Variants in CEP112 observed in about 807,000 individuals in gnomAD.
CEP112 encodes centrosomal protein 112.
Under a neutral mutation model 153.0 loss-of-function variants are expected in CEP112, and 127 were observed. The observed-to-expected ratio is 0.83, with a 90% CI of 0.72 to 0.96. The LOEUF (loss-of-function observed/expected upper bound fraction) is 0.96, where lower values mean the gene tolerates loss of function less well. Ranked by LOEUF, CEP112 falls within the 40% of genes least tolerant of loss-of-function variation. CEP112 has a pLI of 0.00. For missense variants in CEP112, 1,089 were observed against 1,101.2 expected (o/e 0.99, Z 0.16); for synonymous variants, 358 against 374.4 (o/e 0.96, Z 0.51).
intron 24 of CEP112, among the ~76,000 whole-genome samples, chr17:65,660,211 C>T (rs1016445834): frequency 2.4e-5 from 3 of 123,846 alleles, no homozygotes. Flanking sequence ...TTCCTTCTTT[C>T]CTTCCCTCCC....
intron 6 of CEP112, among the ~76,000 whole-genome samples, chr17:66,115,161 T>C (rs1022850491): frequency 6.6e-6 from 1 of 151,846 alleles, no homozygotes; most frequent in African/African-American, 2.4e-5. Flanking sequence ...GCCAAGATCA[T>C]GCCACTGCAC....
chr17:66,149,888 G>GTTTTTTTTTTTTTTTTT (rs71160535), intron 4 of CEP112, among the ~76,000 whole-genome samples: 3 of 54,710 alleles, frequency 5.5e-5, no homozygotes, highest in Non-Finnish European at 9.2e-5. Context: ...TTGTTTGTTT[G>GTTTTTTTTTTTTTTTTT]TTTTTTTTTT....
intron 6 of CEP112, among the ~76,000 whole-genome samples, chr17:66,106,209 A>G (rs568159679): frequency 6.6e-6 from 1 of 152,244 alleles, no homozygotes; most frequent in East Asian, 1.9e-4. Flanking sequence ...AAGGTAGAAA[A>G]ACTTCAAATA....
chr17:65,952,041 CT>C (rs2061853161), intron 18 of CEP112, among the ~76,000 whole-genome samples: 1 of 152,138 alleles, frequency 6.6e-6, no homozygotes, highest in Admixed American at 6.6e-5. Context: ...CCCAGATTTT[CT>C]TTTGTTGTTT....
chr17:65,865,992 T>A (rs148095399), intron 20 of CEP112, among the ~76,000 whole-genome samples: 1 of 151,884 alleles, frequency 6.6e-6, no homozygotes, highest in Non-Finnish European at 1.5e-5. Context: ...GCAGCTGTGG[T>A]CACTCAGGTC....
chr17:65,857,187 C>G (rs1484672067), intron 20 of CEP112, among the ~76,000 whole-genome samples: 1 of 152,176 alleles, frequency 6.6e-6, no homozygotes, highest in African/African-American at 2.4e-5. Flanking sequence ...CCTCATCCCT[C>G]TTTTCTGCTT....
At chr17:66,111,604 G>A (rs2069049086) in intron 6 of CEP112, among the ~76,000 whole-genome samples, 1 of 152,066 alleles carries the variant, frequency 6.6e-6, no homozygotes, top group African/African-American at 2.4e-5. Context: ...TAAAAACACA[G>A]GAACAGAAAA....
Position 66,128,914 on chromosome 17 carries a change from A to G in CEP112, c.642+832T>C, listed in dbSNP as rs185544945. Among the ~76,000 whole-genome samples the G allele has an allele frequency of 3.2e-3, 489 of 152,302 alleles. 3 individuals carry two copies. The highest frequency in any genetic ancestry group is 0.014 in the Middle Eastern group (4 of 294). On this transcript the variant is annotated intron_variant, in intron 6 of 26. Coordinates refer to ENST00000535342, the MANE Select transcript of CEP112 (RefSeq NM_001199165.4). ...ACACACAGAAAAAAGGGAGGAAAAG[A>G]TATGTTATATAACAAAATGTTAACA...
At chr17:65,844,393 T>C (rs2057641561) in intron 21 of CEP112, among the ~76,000 whole-genome samples, 1 of 152,152 alleles carries the variant, frequency 6.6e-6, no homozygotes, top group African/African-American at 2.4e-5. Flanking sequence ...TAAAATAAAA[T>C]CTAAAAGTTT....
intron 21 of CEP112, among the ~76,000 whole-genome samples, chr17:65,827,936 C>CCA (rs1360691878): frequency 1.3e-5 from 2 of 152,264 alleles, no homozygotes; most frequent in East Asian, 3.9e-4. Flanking sequence ...ATAAATGGTA[C>CCA]CAGCCCTGGT....
At position 65,651,643 on chromosome 17, in the gene CEP112, CTCTT is replaced by C. The variant is rs201855610; in HGVS notation, c.2698-10582_2698-10579del. Among the ~76,000 whole-genome samples, 667 of 151,458 alleles carry C rather than the reference CTCTT, an allele frequency of 4.4e-3. 1 individual carries two copies. The highest frequency in any genetic ancestry group is 0.015 in the African/African-American group (635 of 41,356). On this transcript the variant is annotated intron_variant, in intron 24 of 26. Coordinates refer to ENST00000535342, the MANE Select transcript of CEP112 (RefSeq NM_001199165.4). Reference sequence around the variant, plus strand: ...TGATTATGGTCATTCCTTCCTTCCTCTCTTTCTTTCTCTTTCTTTCTCCTTCCTT... The same window carrying C: ...TGATTATGGTCATTCCTTCCTTCCTCTCTTTCTCTTTCTTTCTCCTTCCTT...
chr17:66,058,384 A>C (rs1353739437), intron 11 of CEP112, among the ~76,000 whole-genome samples: 1 of 152,266 alleles, frequency 6.6e-6, no homozygotes, highest in Non-Finnish European at 1.5e-5. Flanking sequence ...AAGAAAAACC[A>C]CATGACTAGA....
intron 8 of CEP112, among the ~76,000 whole-genome samples, chr17:66,087,607 G>A (rs1271924695): frequency 2.6e-5 from 4 of 152,058 alleles, no homozygotes; most frequent in South Asian, 2.1e-4. Context: ...TCAAGCCCTC[G>A]TCCCTCCACA....
intron 24 of CEP112, among the ~76,000 whole-genome samples, chr17:65,642,194 G>T (rs1315604736): frequency 1.3e-5 from 2 of 152,182 alleles, no homozygotes; most frequent in Admixed American, 1.3e-4. Flanking sequence ...AAATAGGATA[G>T]AATTAATTAT....
intron 21 of CEP112, among the ~76,000 whole-genome samples, chr17:65,808,635 T>C (rs2055759363): frequency 6.6e-6 from 1 of 152,094 alleles, no homozygotes; most frequent in Non-Finnish European, 1.5e-5. Context: ...TTTAAAAATG[T>C]ATAGCACTTC....
At chr17:66,157,705 CAAAAAAAAA>C (rs370026993) in intron 4 of CEP112, among the ~76,000 whole-genome samples, 1 of 93,812 alleles carries the variant, frequency 1.1e-5, no homozygotes, top group Admixed American at 1.2e-4. Context: ...AAATGGAAAG[CAAAAAAAAA>C]AAAAAAAAGC....
chr17:65,706,205 C>G (rs1412900754), intron 23 of CEP112, among the ~76,000 whole-genome samples: 1 of 152,204 alleles, frequency 6.6e-6, no homozygotes, highest in African/African-American at 2.4e-5. Context: ...GGAACGTCTT[C>G]AGGAAGGACG....
intron 21 of CEP112, among the ~76,000 whole-genome samples, chr17:65,795,001 C>T (rs755532162): frequency 1.6e-4 from 24 of 152,342 alleles, no homozygotes; most frequent in Non-Finnish European, 2.4e-4. Context: ...ATTCAACAAA[C>T]GTGTTGAAAG....
At chr17:65,863,749 CAA>C (rs397949072) in intron 20 of CEP112, among the ~76,000 whole-genome samples, 1 of 125,666 alleles carries the variant, frequency 8.0e-6, no homozygotes, top group African/African-American at 3.1e-5. Context: ...GACTCTGTCT[CAA>C]AAAAAAAAAG....
Sources: gnomAD v4.1 joint callset for allele counts (sites outside exome capture counted in the v4.1 genomes callset) on GRCh38, gnomAD v4.1.1 for gene constraint, MANE v1.5 for transcripts, NCBI Gene and HGNC (gene_info 2026-07-23, HGNC 2026-07-21) for gene names.